The following CHD8 variants were observed in gnomAD, a reference collection of about 807,000 sequenced individuals.
CHD8 encodes ATP-dependent chromatin remodeler CHD8.
Under a neutral mutation model 279.2 loss-of-function variants are expected in CHD8, and 31 were observed. The ratio of observed to expected loss-of-function variants is 0.11; its 90% confidence interval spans 0.08 to 0.15. The LOEUF is 0.15. Among genes scored for constraint, CHD8 ranks in the 10% least tolerant of loss-of-function variants. The pLI is 1.00. For missense variants in CHD8, 2,146 were observed against 3,230.5 expected (o/e 0.66, Z 8.14); for synonymous variants, 1,081 against 1,139.6 (o/e 0.95, Z 1.04).
intron 1 of CHD8, among the ~76,000 whole-genome samples, chr14:21,452,383 T>C (rs892937946): frequency 2.0e-5 from 3 of 151,834 alleles, no homozygotes; most frequent in Non-Finnish European, 2.9e-5. Flanking sequence ...TGGCTCACGC[T>C]TGTAATCCTG....
rs1301235558 is a variant in CHD8, at chr14:21,393,635, C to T, written c.6160G>A (p.Val2054Ile). The T allele has an allele frequency of 3.1e-6, 5 of 1,613,848 alleles. No individual in the cohort carries two copies. The African/African-American group carries it at 6.7e-5, about 22-fold the overall frequency. ...TTGACTGGTGGAACACTCCGGGAAA[C>T]CAGAGGGGTAGTATCAGAGGGGGAT... is the stretch of plus-strand genomic sequence containing the variant. Reference protein sequence around the residue: ...RVSPSDTTPLVSRSVPPVKLE... With the variant: ...RVSPSDTTPLISRSVPPVKLE... The change falls in exon 32 of 38, where the codon GTT becomes ATT. Residue 2054 changes from valine to isoleucine, a missense_variant. Coordinates refer to ENST00000646647, the MANE Select transcript of CHD8 (RefSeq NM_001170629.2).
At chr14:21,391,686 G>T in intron 35 of CHD8, 44 bp from the exon 36 acceptor site, 1 of 1,540,324 alleles carries the variant, frequency 6.5e-7, no homozygotes, top group East Asian at 2.3e-5. Context: ...ACTCTTCTTT[G>T]GGGGAGGGAG....
chr14:21,385,628 T>C lies in CHD8; in HGVS notation c.7731A>G (p.Glu2577=). The C allele has an allele frequency of 6.4e-7, 1 of 1,551,516 alleles. No individual in the cohort carries two copies. The highest frequency in any genetic ancestry group is 8.7e-7 in the Non-Finnish European group (1 of 1,146,724). ...PMMPANSDSS[E]DADD is the part of the protein sequence containing the mutation. ...TGCTGGGGCTTCAGTCATCAGCATC[T>C]TCACTGGAGTCTGAGTTAGCTGGCA... Residue 2577 remains glutamate (E), a synonymous_variant, in exon 38 of 38, where the codon GAA becomes GAG. Transcript: ENST00000646647.
Position 21,394,280 on chromosome 14 carries a change from C to G in CHD8, c.5596G>C (p.Asp1866His). 1 of 1,613,990 alleles carries G rather than the reference C, an allele frequency of 6.2e-7. No homozygotes were observed. Among genetic ancestry groups the G allele is most frequent in the Non-Finnish European group, 8.5e-7 (1 of 1,179,892 alleles). The change falls in exon 31 of 38, where the codon GAT becomes CAT. Residue 1866 changes from aspartate (D) to histidine (H), a missense_variant. Asp to His is a moderately conservative substitution (Grantham distance 81). Transcript: ENST00000646647. ...QVCRLPPAAG[D>H]EPPDPNLFIE... is the part of the protein sequence containing the mutation. ...CCCACTCTGCAATCTTGCTTACCAT[C>G]TCCAGCTGCTGGGGGAAGGCGGCAT...
At chr14:21,416,956 C>T (rs756724051) in intron 5 of CHD8, among the ~76,000 whole-genome samples, 12 of 152,042 alleles carry the variant, frequency 7.9e-5, no homozygotes, top group Non-Finnish European at 1.8e-4. Context: ...AAAAATTAGC[C>T]GGGCCTGGTG....
chr14:21,394,600 A>C, intron 30 of CHD8, 115 bp from the exon 31 acceptor site: 1 of 305,118 alleles, frequency 3.3e-6, no homozygotes, highest in Non-Finnish European at 5.9e-6. Context: ...AATTGAAAGT[A>C]GACGCAAAAA....
intron 1 of CHD8, among the ~76,000 whole-genome samples, chr14:21,440,898 A>G (rs542033084): frequency 3.8e-4 from 58 of 152,298 alleles, no homozygotes; most frequent in Non-Finnish European, 7.1e-4. Flanking sequence ...GAGGCTGCTG[A>G]GACCAGAAAG....
chr14:21,411,280 A>G (rs965700303), intron 10 of CHD8, among the ~76,000 whole-genome samples: 3 of 152,130 alleles, frequency 2.0e-5, no homozygotes, highest in Non-Finnish European at 4.4e-5. Context: ...CAAACACACA[A>G]TACTACCACC....
At chr14:21,396,002 T>A in intron 27 of CHD8, 110 bp from the exon 28 acceptor site, 1 of 759,742 alleles carries the variant, frequency 1.3e-6, no homozygotes, top group Non-Finnish European at 2.3e-6. Flanking sequence ...ATAATCTTTA[T>A]TAGTATTATT....
rs1887969339 is a variant in CHD8 at position 21,400,201 on chromosome 14, A to C, written c.4677T>G (p.Thr1559=). 6.2e-7 allele frequency: 1 copy of C among 1,613,990 alleles called. No individual in the cohort carries two copies. The highest frequency in any genetic ancestry group is 8.5e-7 in the Non-Finnish European group (1 of 1,179,898). Residue 1559 remains threonine, a synonymous_variant, in exon 24 of 38, where the codon ACT becomes ACG. Coordinates refer to ENST00000646647, the MANE Select transcript of CHD8 (RefSeq NM_001170629.2). This position sits in a 1 kb window ranked among gnomAD's most constrained non-coding sequence, Gnocchi z 4.2. ...ADWIRKYNPD[T]LFQDESYKKH... Reference sequence around the variant, plus strand: ...TCTTATAACTTTCATCTTGGAACAAAGTGTCAGGGTTATATTTCCGGATCC... The same window carrying C: ...TCTTATAACTTTCATCTTGGAACAACGTGTCAGGGTTATATTTCCGGATCC...
At chr14:21,444,144 T>G (rs1426596657) in intron 1 of CHD8, among the ~76,000 whole-genome samples, 1 of 152,208 alleles carries the variant, frequency 6.6e-6, no homozygotes, top group Non-Finnish European at 1.5e-5. Context: ...TTCCTCTACA[T>G]AAAGGGGATA....
chr14:21,425,851 G>A (rs571133529), intron 5 of CHD8: 7 of 324,944 alleles, frequency 2.2e-5, no homozygotes, highest in South Asian at 1.5e-4. Context: ...CAGGATAATC[G>A]TTTGAAACCG....
At chr14:21,439,154 C>A (rs1030711618) in intron 1 of CHD8, among the ~76,000 whole-genome samples, 1 of 152,040 alleles carries the variant, frequency 6.6e-6, no homozygotes, top group Non-Finnish European at 1.5e-5. Context: ...GGCGGCTTAT[C>A]TCCTGACCAT....
At chr14:21,401,680 G>A in intron 20 of CHD8, 167 bp from the exon 21 acceptor site, 2 of 585,822 alleles carry the variant, frequency 3.4e-6, no homozygotes, top group Non-Finnish European at 5.9e-6. Context: ...CACCCCCTGG[G>A]TTCAAGTGAT....
Position 21,435,812 on chromosome 14 carries a change from G to T in CHD8, c.-215-3954C>A, listed in dbSNP as rs548626600. On this transcript the variant is annotated intron_variant, in intron 1 of 37. Transcript: ENST00000646647. ...GGACAAAGCCTTCTTGGCCAGTGAA[G>T]ATCTGTAAAAGACACGTGAGGAGTA... is the stretch of plus-strand genomic sequence containing the variant. Among the ~76,000 whole-genome samples the T allele has an allele frequency of 2.5e-3, 377 of 152,320 alleles. 1 individual carries two copies. The highest frequency in any genetic ancestry group is 4.5e-3 in the Non-Finnish European group (305 of 68,024).
intron 37 of CHD8, among the ~76,000 whole-genome samples, chr14:21,388,625 G>A (rs1305454451): frequency 6.6e-6 from 1 of 152,106 alleles, no homozygotes; most frequent in Non-Finnish European, 1.5e-5. Flanking sequence ...CCACATAGCT[G>A]ATACTAGAGG....
intron 5 of CHD8, among the ~76,000 whole-genome samples, chr14:21,424,273 G>A (rs959280488): frequency 1.3e-5 from 2 of 152,082 alleles, no homozygotes; most frequent in African/African-American, 4.8e-5. Context: ...CTTTTTCCCT[G>A]TTGATTTTAA....
In CHD8 at chr14:21,403,804, A is replaced by G. The variant is rs1242907069; in HGVS notation, c.3308-141T>C. The G allele has an allele frequency of 7.6e-6, 6 of 785,796 alleles. No homozygotes were observed. Among genetic ancestry groups the G allele is most frequent in the Admixed American group, 2.5e-5 (1 of 39,852 alleles). 48.7% of individuals were successfully genotyped at this position (785,796 alleles called of 1,614,324 possible). ...CTCACACACAGAATTTCAGCACAAA[A>G]AAGTCTTAAATCGGCTGGGTACGGT... On this transcript the variant is annotated intron_variant, in intron 16 of 37. Coordinates refer to ENST00000646647, the MANE Select transcript of CHD8 (RefSeq NM_001170629.2). This position sits in a 1 kb window ranked among gnomAD's most constrained non-coding sequence, Gnocchi z 4.3.
In CHD8 at chr14:21,389,483, C is replaced by T. The variant is rs145308523; in HGVS notation, c.7182+1464G>A. The stretch of plus-strand genomic sequence containing the variant: ...AAAATTAGCTGGGTATGGTAGCATG[C>T]GCCAGTGGTCCCAGCTACTTGGGAG... On this transcript the variant is annotated intron_variant, in intron 37 of 37. Coordinates refer to ENST00000646647, the MANE Select transcript of CHD8 (RefSeq NM_001170629.2). Among the ~76,000 whole-genome samples the T allele has an allele frequency of 5.2e-3, 794 of 151,998 alleles. 5 individuals are homozygous for T. Among genetic ancestry groups the T allele is most frequent in the African/African-American group, 0.01 (434 of 41,436 alleles).
Sources: allele counts gnomAD v4.1 joint callset (sites outside exome capture counted in the v4.1 genomes callset), GRCh38; gene constraint gnomAD v4.1.1; non-coding constraint Gnocchi (gnomAD v3.1); transcripts MANE v1.5; gene names NCBI Gene and HGNC (gene_info 2026-07-23, HGNC 2026-07-21).